Variants in RPS6KC1 observed in about 807,000 individuals in gnomAD.
RPS6KC1 encodes the protein ribosomal protein S6 kinase C1.
In RPS6KC1, 54 loss-of-function variants were observed where a neutral mutation model predicts 103.8. The ratio of observed to expected loss-of-function variants is 0.52; its 90% CI spans 0.42 to 0.65. The LOEUF is 0.65. Among genes scored for constraint, RPS6KC1 ranks in the 30% least tolerant of loss-of-function variants. The pLI, the probability that RPS6KC1 is intolerant of heterozygous loss-of-function variation, is 0.00. For missense variants in RPS6KC1, 1,151 were observed against 1,253.8 expected (o/e 0.92, Z 1.24); for synonymous variants, 439 against 438.7 (o/e 1.00, Z -0.01).
chr1:213,546,564 A>G, the RPS6KC1 span: 1 of 152,248 alleles, frequency 6.6e-6, no homozygotes, highest in South Asian at 2.1e-4. Flanking sequence ...TCCTTGTGCA[A>G]TATGAAAGTT....
chr1:213,758,928 T>A, the RPS6KC1 span, among the ~76,000 whole-genome samples: 8 of 147,306 alleles, frequency 5.4e-5, no homozygotes, highest in Admixed American at 1.4e-4. Context: ...ATTTGTTCTA[T>A]AAACTTAGTT....
chr1:213,517,821 C>G, the RPS6KC1 span, among the ~76,000 whole-genome samples: 4 of 152,166 alleles, frequency 2.6e-5, no homozygotes, highest in Non-Finnish European at 5.9e-5. Context: ...CTAATGTTGA[C>G]AGTGGGGTAT....
chr1:213,200,228 C>G (rs868200288), intron 8 of RPS6KC1, among the ~76,000 whole-genome samples: 4 of 152,130 alleles, frequency 2.6e-5, no homozygotes, highest in African/African-American at 9.7e-5. Flanking sequence ...TACATGACTT[C>G]AAAGTATACT....
At chr1:213,695,460 A>G in the RPS6KC1 span, among the ~76,000 whole-genome samples, 1 of 152,250 alleles carries the variant, frequency 6.6e-6, no homozygotes, top group African/African-American at 2.4e-5. Context: ...ACACTGGGAC[A>G]GTAAGAAGTA....
chr1:213,080,119 T>C (rs950613875), intron 3 of RPS6KC1, among the ~76,000 whole-genome samples: 4 of 151,874 alleles, frequency 2.6e-5, no homozygotes, highest in Admixed American at 1.3e-4. Flanking sequence ...AGTTTCGCCA[T>C]GTTGGACAGG....
In RPS6KC1 at chr1:213,118,878, TA is replaced by T. The variant is rs376390617; in HGVS notation, c.472+1469del. On this transcript the variant is annotated intron_variant, in intron 5 of 14. Coordinates refer to ENST00000366960, the MANE Select transcript of RPS6KC1 (RefSeq NM_012424.6). ...ACAGTAATTTTACTTTATAATCTAT[TA>T]TTTTTTTTGTGTGTGTGTCGGGGGC... Among the ~76,000 whole-genome samples, 27 of 152,214 alleles carry T rather than the reference TA, an allele frequency of 1.8e-4. No homozygotes were observed. The South Asian group carries it at 4.8e-3, about 27-fold the overall frequency.
chr1:213,062,588 C>T (rs905551206), intron 1 of RPS6KC1, among the ~76,000 whole-genome samples: 7 of 151,120 alleles, frequency 4.6e-5, no homozygotes, highest in South Asian at 2.1e-4. Context: ...GGCGGAGTCT[C>T]GCTCTGTCAC....
the RPS6KC1 span, among the ~76,000 whole-genome samples, chr1:213,515,917 T>C: frequency 2.6e-5 from 4 of 151,074 alleles, no homozygotes; most frequent in Non-Finnish European, 4.4e-5. Context: ...GAGCAGTGGT[T>C]TGTAGTTCTC....
chr1:213,832,276 G>T, the RPS6KC1 span, among the ~76,000 whole-genome samples: 3 of 152,184 alleles, frequency 2.0e-5, no homozygotes, highest in African/African-American at 4.8e-5. Context: ...GAGGACTCCT[G>T]TTCTGGGACC....
At chr1:213,276,579 T>C (rs1210320199), downstream of RPS6KC1, among the ~76,000 whole-genome samples, 1 of 152,198 alleles carries the variant, frequency 6.6e-6, no homozygotes, top group African/African-American at 2.4e-5. Context: ...TTTTTGGTTT[T>C]TCAGAGTGAG....
the RPS6KC1 span, among the ~76,000 whole-genome samples, chr1:213,548,173 A>C: frequency 6.6e-6 from 1 of 152,258 alleles, no homozygotes; most frequent in Non-Finnish European, 1.5e-5. Flanking sequence ...AAGTGATTCA[A>C]CTACAGCTCC....
Position 213,272,425 on chromosome 1 carries a change from T to G in RPS6KC1, c.3091-99T>G, listed in dbSNP as rs1424568496. The G allele has an allele frequency of 3.4e-6, 3 of 874,194 alleles. No homozygotes were observed. The East Asian group carries it at 7.7e-5, about 22-fold the overall frequency. The allele number at this position is 874,194 out of a possible 1,614,324, so 54.2% of individuals were successfully genotyped here. On this transcript the variant is annotated intron_variant, in intron 14 of 14. Coordinates refer to ENST00000366960, the MANE Select transcript of RPS6KC1 (RefSeq NM_012424.6). ...TTGGCTATTAATCAAGACTGCTTGT[T>G]ACCAGGGTTGAATTTAGAAGTTGTT...
the RPS6KC1 span, among the ~76,000 whole-genome samples, chr1:213,697,578 A>G: frequency 6.6e-6 from 1 of 152,298 alleles, no homozygotes; most frequent in Non-Finnish European, 1.5e-5. Flanking sequence ...GAGAAGTCAA[A>G]CACCCCAATT....
the RPS6KC1 span, among the ~76,000 whole-genome samples, chr1:213,708,718 A>G: frequency 7.3e-4 from 111 of 152,336 alleles, 1 homozygote; most frequent in South Asian, 5.0e-3. Context: ...ATTTTGAGAT[A>G]CATCCCATCA....
the RPS6KC1 span, among the ~76,000 whole-genome samples, chr1:213,700,818 T>C: frequency 4.6e-5 from 7 of 152,224 alleles, no homozygotes; most frequent in South Asian, 4.1e-4. Context: ...TTTGTGGCTA[T>C]GGTAAATGGG....
chr1:213,767,660 G>C, the RPS6KC1 span, among the ~76,000 whole-genome samples: 1 of 152,160 alleles, frequency 6.6e-6, no homozygotes, highest in African/African-American at 2.4e-5. Flanking sequence ...GGAGAGAGAA[G>C]ACATATAATA....
the RPS6KC1 span, among the ~76,000 whole-genome samples, chr1:213,662,390 T>C: frequency 6.6e-6 from 1 of 151,344 alleles, no homozygotes; most frequent in Admixed American, 6.6e-5. Flanking sequence ...GCCTCCAGGG[T>C]AGCTAGGATT....
chr1:213,527,495 C>A, the RPS6KC1 span, among the ~76,000 whole-genome samples: 554 of 152,200 alleles, frequency 3.6e-3, 2 homozygotes, highest in African/African-American at 0.013. Context: ...ACAGTGAGAC[C>A]AGAACACAGA....
At chr1:213,742,858 C>G in the RPS6KC1 span, among the ~76,000 whole-genome samples, 1 of 152,234 alleles carries the variant, frequency 6.6e-6, no homozygotes, top group African/African-American at 2.4e-5. Context: ...AGCCAGGCCA[C>G]TGTTATTAAA....
Sources: gnomAD v4.1 joint callset for allele counts (sites outside exome capture counted in the v4.1 genomes callset) on GRCh38, gnomAD v4.1.1 for gene constraint, MANE v1.5 for transcripts, NCBI Gene and HGNC (gene_info 2026-07-23, HGNC 2026-07-21) for gene names.